The following CYB5A variants were observed in gnomAD, a reference collection of about 807,000 sequenced individuals.
CYB5A encodes the protein cytochrome b5.
CYB5A carries 10 observed loss-of-function variants against 16.2 expected under a neutral mutation model. The ratio of observed to expected loss-of-function variants is 0.62; its 90% confidence interval spans 0.38 to 1.04. The LOEUF (loss-of-function observed/expected upper bound fraction) is 1.04. Among genes scored for constraint, CYB5A ranks in the 50% least tolerant of loss-of-function variants. The pLI is 0.01. For synonymous variants in CYB5A, 62 were observed against 57.0 expected, an observed-to-expected ratio of 1.09 and a Z score of -0.40; for missense variants, 161 against 165.9, an observed-to-expected ratio of 0.97 and a Z score of 0.16.
intron 1 of CYB5A, among the ~76,000 whole-genome samples, chr18:74,272,275 T>A (rs921432983): frequency 1.3e-5 from 2 of 152,190 alleles, no homozygotes; most frequent in Admixed American, 6.5e-5. Flanking sequence ...AAACTGGGTA[T>A]CAGTTTAAGA....
At chr18:74,283,184 G>A (rs1050358660) in intron 1 of CYB5A, among the ~76,000 whole-genome samples, 2 of 152,128 alleles carry the variant, frequency 1.3e-5, no homozygotes, top group East Asian at 1.9e-4. Context: ...ATATGGACCC[G>A]GAAGGGGAGG....
intron 1 of CYB5A, among the ~76,000 whole-genome samples, chr18:74,266,497 C>T (rs1240588026): frequency 6.6e-6 from 1 of 152,146 alleles, no homozygotes; most frequent in Non-Finnish European, 1.5e-5. Flanking sequence ...GGACTTGGCC[C>T]TTTATAAAGA....
At chr18:74,289,854 T>C (rs995468270) in intron 1 of CYB5A, among the ~76,000 whole-genome samples, 8 of 150,304 alleles carry the variant, frequency 5.3e-5, no homozygotes, top group Non-Finnish European at 1.2e-4. Flanking sequence ...GGTGGCTCAA[T>C]ATCCTACAAT....
At chr18:74,276,141 G>A (rs973764092) in intron 1 of CYB5A, among the ~76,000 whole-genome samples, 4 of 152,082 alleles carry the variant, frequency 2.6e-5, no homozygotes, top group Non-Finnish European at 5.9e-5. Context: ...CAAACGGTAG[G>A]GTGAAGGTGA....
intron 1 of CYB5A, among the ~76,000 whole-genome samples, chr18:74,284,232 CCAAAA>C (rs1983232073): frequency 3.0e-5 from 3 of 100,230 alleles, no homozygotes. Flanking sequence ...AACTCCATCT[CCAAAA>C]AAAAAAAAAA....
chr18:74,272,545 G>A (rs1982709524), intron 1 of CYB5A, among the ~76,000 whole-genome samples: 1 of 152,156 alleles, frequency 6.6e-6, no homozygotes, highest in Admixed American at 6.5e-5. Context: ...AAGTGAAGAA[G>A]TTCCTGTCTG....
chr18:74,256,706 G>T, intron 3 of CYB5A: 2 of 888,286 alleles, frequency 2.3e-6, no homozygotes, highest in Non-Finnish European at 1.8e-6. Context: ...AAAAGCATTA[G>T]CAAAACAATC....
intron 1 of CYB5A, among the ~76,000 whole-genome samples, chr18:74,288,347 G>A (rs1288018277): frequency 1.3e-5 from 2 of 150,280 alleles, no homozygotes; most frequent in Non-Finnish European, 3.0e-5. Flanking sequence ...ACTCAGCCAT[G>A]AGAAATCCTG....
intron 3 of CYB5A, chr18:74,256,185 T>C (rs1314036571): frequency 5.6e-6 from 1 of 177,956 alleles, no homozygotes; most frequent in Non-Finnish European, 1.2e-5. Context: ...ACATCAGTTA[T>C]TTCATTCAAA....
intron 1 of CYB5A, among the ~76,000 whole-genome samples, chr18:74,277,645 G>A (rs1436043574): frequency 6.6e-6 from 1 of 152,206 alleles, no homozygotes; most frequent in Non-Finnish European, 1.5e-5. Flanking sequence ...AAGATGGAGG[G>A]ATTAACTCTC....
intron 1 of CYB5A, among the ~76,000 whole-genome samples, chr18:74,288,431 AAGG>A (rs756134245): frequency 6.6e-6 from 1 of 152,248 alleles, no homozygotes; most frequent in African/African-American, 2.4e-5. Flanking sequence ...TGAGAGTTAG[AAGG>A]AGAAGATAAA....
intron 1 of CYB5A, among the ~76,000 whole-genome samples, chr18:74,265,790 T>TA (rs752149999): frequency 7.0e-4 from 106 of 152,302 alleles, no homozygotes; most frequent in Non-Finnish European, 7.4e-4. Context: ...TCCCAGGCTC[T>TA]TTAAACAACC....
chr18:74,260,693 T>A, intron 3 of CYB5A: 1 of 623,886 alleles, frequency 1.6e-6, no homozygotes, highest in East Asian at 3.2e-5. Flanking sequence ...AAAAGTAGTT[T>A]ACTGACAGCC....
At chr18:74,284,233 CA>C (rs1308439463) in intron 1 of CYB5A, among the ~76,000 whole-genome samples, 289 of 73,096 alleles carry the variant, frequency 4.0e-3, no homozygotes, top group Middle Eastern at 8.8e-3. Flanking sequence ...ACTCCATCTC[CA>C]AAAAAAAAAA....
In CYB5A at chr18:74,252,699, G is replaced by A. The variant is rs1981812103; in HGVS notation, c.*885C>T. 1 of 151,458 alleles carries A rather than the reference G, an allele frequency of 6.6e-6. No individual in the cohort carries two copies. Among genetic ancestry groups the A allele is most frequent in the African/African-American group, 2.4e-5 (1 of 40,944 alleles). 9.4% of individuals were successfully genotyped at this position (151,458 alleles called of 1,614,324 possible). ...ATAAGAAGTCTCTCTTATAGGCCCT[G>A]TAGGCTACTTTCTTTTTTTTTTGAG... On this transcript the variant is annotated 3_prime_UTR_variant, in exon 5 of 5. Transcript: ENST00000340533.
In CYB5A at chr18:74,260,957, G is replaced by C. The variant is rs1268903273; in HGVS notation, c.259-13C>G. 5 of 1,608,522 alleles carry C rather than the reference G, an allele frequency of 3.1e-6. No individual in the cohort carries two copies. Among genetic ancestry groups the C allele is most frequent in the South Asian group, 1.1e-5 (1 of 90,948 alleles). On this transcript the variant is annotated splice_polypyrimidine_tract_variant and intron_variant, in intron 2 of 4. Transcript: ENST00000340533. ...TTGGTCTGTCATCCTGCAATGAAAA[G>C]ATAAGGCACATTATGGAATTTAAAA... is the stretch of plus-strand genomic sequence containing the variant.
chr18:74,289,933 T>C (rs971036658), intron 1 of CYB5A, among the ~76,000 whole-genome samples: 5 of 151,988 alleles, frequency 3.3e-5, no homozygotes, highest in African/African-American at 9.7e-5. Context: ...TTGAAAAAAC[T>C]CGCTTTAGGA....
chr18:74,275,968 G>C (rs1982858545), intron 1 of CYB5A, among the ~76,000 whole-genome samples: 1 of 152,114 alleles, frequency 6.6e-6, no homozygotes, highest in Non-Finnish European at 1.5e-5. Flanking sequence ...ACCGGGATCT[G>C]ACCCAGCCCA....
At chr18:74,269,988 T>A (rs559237330) in intron 1 of CYB5A, among the ~76,000 whole-genome samples, 1 of 152,140 alleles carries the variant, frequency 6.6e-6, no homozygotes, top group Non-Finnish European at 1.5e-5. Context: ...ATGAAACAGA[T>A]GCCTTCAGTG....
Sources: gnomAD v4.1 joint callset for allele counts (sites outside exome capture counted in the v4.1 genomes callset) on GRCh38, gnomAD v4.1.1 for gene constraint, MANE v1.5 for transcripts, NCBI Gene and HGNC (gene_info 2026-07-23, HGNC 2026-07-21) for gene names.